The following GRIN2A variants were observed in gnomAD, a reference collection of about 807,000 sequenced individuals.
The protein encoded by GRIN2A is glutamate receptor ionotropic, NMDA 2A.
Under a neutral mutation model 113.4 loss-of-function variants are expected in GRIN2A, and 22 were observed. The observed-to-expected ratio is 0.19, with a 90% CI of 0.14 to 0.28. The LOEUF (loss-of-function observed/expected upper bound fraction) is 0.28. GRIN2A is among the 10% of genes least tolerant of loss of function. The pLI is 1.00. For synonymous variants in GRIN2A, 827 were observed against 738.4 expected (o/e 1.12, Z -1.94); for missense variants, 1,502 against 1,887.0 (o/e 0.80, Z 3.78).
At chr16:10,058,677 A>T (rs1018601446) in intron 2 of GRIN2A, among the ~76,000 whole-genome samples, 2 of 152,246 alleles carry the variant, frequency 1.3e-5, no homozygotes, top group African/African-American at 4.8e-5. Flanking sequence ...ACTGAGTTCC[A>T]TCCACAGACC....
chr16:10,167,419 A>T (rs1384072187), intron 2 of GRIN2A, among the ~76,000 whole-genome samples: 1 of 152,208 alleles, frequency 6.6e-6, no homozygotes, highest in Non-Finnish European at 1.5e-5. Flanking sequence ...TTGGCAAAAG[A>T]GTCACTGTTA....
At chr16:9,955,450 C>T (rs1335455724) in intron 2 of GRIN2A, among the ~76,000 whole-genome samples, 1 of 152,202 alleles carries the variant, frequency 6.6e-6, no homozygotes, top group African/African-American at 2.4e-5. Context: ...AATTTCCGCT[C>T]TTCCATGCTC....
At chr16:10,160,276 G>A (rs1314817291) in intron 2 of GRIN2A, among the ~76,000 whole-genome samples, 1 of 152,154 alleles carries the variant, frequency 6.6e-6, no homozygotes, top group African/African-American at 2.4e-5. Context: ...AGTATAGAAT[G>A]ATGAAGTCAT....
chr16:10,050,028 C>T lies in GRIN2A; in HGVS notation c.415-111477G>A, dbSNP rs556619212. Among the ~76,000 whole-genome samples, 65 of 152,268 alleles carry T rather than the reference C, an allele frequency of 4.3e-4. 1 individual carries two copies. In the South Asian group the frequency reaches 0.013, roughly 31 times the overall value. On this transcript the variant is annotated intron_variant, in intron 2 of 12. Coordinates refer to ENST00000330684, the MANE Select transcript of GRIN2A (RefSeq NM_001134407.3). Reference sequence around the variant, plus strand: ...GGTCTCCCAATAGATGTCTATGTCCCGATACCAAGAACCTGTGAATATGTT... The same window carrying T: ...GGTCTCCCAATAGATGTCTATGTCCTGATACCAAGAACCTGTGAATATGTT...
intron 2 of GRIN2A, among the ~76,000 whole-genome samples, chr16:9,972,753 G>C (rs1332571196): frequency 6.6e-6 from 1 of 152,210 alleles, no homozygotes; most frequent in African/African-American, 2.4e-5. Flanking sequence ...ACATACATGT[G>C]ATTAAAGTGT....
intron 2 of GRIN2A, among the ~76,000 whole-genome samples, chr16:10,058,562 T>C (rs530759339): frequency 6.6e-6 from 1 of 152,238 alleles, no homozygotes; most frequent in Non-Finnish European, 1.5e-5. Flanking sequence ...ATCAGACAGC[T>C]GCTATTACTG....
intron 11 of GRIN2A, among the ~76,000 whole-genome samples, chr16:9,769,570 G>A (rs554074913): frequency 2.7e-5 from 4 of 150,754 alleles, no homozygotes; most frequent in African/African-American, 9.7e-5. Context: ...GGCAGAACGT[G>A]ACAATAGAAA....
chr16:9,944,586 T>C (rs759748003), intron 2 of GRIN2A, among the ~76,000 whole-genome samples: 2 of 152,170 alleles, frequency 1.3e-5, no homozygotes, highest in Non-Finnish European at 2.9e-5. Flanking sequence ...TATCCCTGCA[T>C]TAAAGATTTT....
At chr16:10,094,581 C>A (rs1400119611) in intron 2 of GRIN2A, among the ~76,000 whole-genome samples, 1 of 152,050 alleles carries the variant, frequency 6.6e-6, no homozygotes, top group Non-Finnish European at 1.5e-5. Context: ...TCCTGAGTAG[C>A]TGGGAGTACA....
At chr16:9,894,844 C>T (rs968842972) in intron 3 of GRIN2A, among the ~76,000 whole-genome samples, 2 of 152,154 alleles carry the variant, frequency 1.3e-5, no homozygotes, top group African/African-American at 4.8e-5. Context: ...TATATATCTA[C>T]CCTTCCAAAC....
chr16:9,782,571 A>G (rs897872030), intron 11 of GRIN2A, among the ~76,000 whole-genome samples: 5 of 152,328 alleles, frequency 3.3e-5, no homozygotes, highest in Non-Finnish European at 5.9e-5. Context: ...GCCATTCATT[A>G]TATCTTATTT....
At chr16:9,779,286 C>T (rs1901798907) in intron 11 of GRIN2A, among the ~76,000 whole-genome samples, 1 of 152,224 alleles carries the variant, frequency 6.6e-6, no homozygotes, top group Non-Finnish European at 1.5e-5. Context: ...CTGTGTTGCT[C>T]AGTTCTACAT....
chr16:9,815,100 C>T (rs1038874488), intron 10 of GRIN2A, among the ~76,000 whole-genome samples: 2 of 151,456 alleles, frequency 1.3e-5, no homozygotes, highest in Admixed American at 1.3e-4. Context: ...GAATTCAGTG[C>T]TCATTTGTTT....
chr16:10,101,853 G>T (rs1354173986), intron 2 of GRIN2A, among the ~76,000 whole-genome samples: 1 of 152,166 alleles, frequency 6.6e-6, no homozygotes, highest in East Asian at 1.9e-4. Context: ...TATAATTTGG[G>T]GGATATTTTG....
intron 2 of GRIN2A, among the ~76,000 whole-genome samples, chr16:10,072,465 G>A (rs967973088): frequency 7.2e-5 from 11 of 152,204 alleles, no homozygotes; most frequent in Non-Finnish European, 1.5e-4. Flanking sequence ...AAAAACTACT[G>A]AAGCTGGGGT....
At chr16:10,018,415 A>C (rs2046650297) in intron 2 of GRIN2A, among the ~76,000 whole-genome samples, 1 of 152,176 alleles carries the variant, frequency 6.6e-6, no homozygotes, top group Non-Finnish European at 1.5e-5. Context: ...ACTGCAGTTG[A>C]TGTGACAGAA....
At chr16:10,109,895 T>TTA (rs2048579200) in intron 2 of GRIN2A, among the ~76,000 whole-genome samples, 3 of 151,582 alleles carry the variant, frequency 2.0e-5, no homozygotes, top group South Asian at 4.2e-4. Context: ...AAAATAAAAT[T>TTA]TTTTTTAATT....
intron 2 of GRIN2A, among the ~76,000 whole-genome samples, chr16:10,028,492 G>A (rs1462566289): frequency 6.6e-6 from 1 of 152,172 alleles, no homozygotes. Flanking sequence ...GTTTTGGAGA[G>A]ATAGGACACC....
chr16:10,134,778 G>C (rs1482952521), intron 2 of GRIN2A, among the ~76,000 whole-genome samples: 1 of 151,876 alleles, frequency 6.6e-6, no homozygotes, highest in East Asian at 1.9e-4. Context: ...CACTCCATCA[G>C]ACAAAAAATG....
Sources: gnomAD v4.1 joint callset for allele counts (sites outside exome capture counted in the v4.1 genomes callset) on GRCh38, gnomAD v4.1.1 for gene constraint, MANE v1.5 for transcripts, NCBI Gene and HGNC (gene_info 2026-07-23, HGNC 2026-07-21) for gene names.